The following GAS7 variants were observed in gnomAD, a reference collection of about 807,000 sequenced individuals.
GAS7 encodes the protein growth arrest specific 7.
Under a neutral mutation model 71.1 loss-of-function variants are expected in GAS7, and 28 were observed. The ratio of observed to expected loss-of-function variants is 0.39; its 90% CI spans 0.29 to 0.54. The LOEUF (loss-of-function observed/expected upper bound fraction) is 0.54, where lower values mean the gene tolerates loss of function less well. Ranked by LOEUF, GAS7 falls within the 20% of genes least tolerant of loss-of-function variation. The pLI is 0.62. For missense variants in GAS7, 436 were observed against 627.8 expected, an observed-to-expected ratio of 0.69 and a Z score of 3.27; for synonymous variants, 258 against 245.8, an observed-to-expected ratio of 1.05 and a Z score of -0.46.
chr17:10,124,712 G>C (rs2073931251), intron 1 of GAS7, among the ~76,000 whole-genome samples: 1 of 152,166 alleles, frequency 6.6e-6, no homozygotes, highest in Non-Finnish European at 1.5e-5. Flanking sequence ...TAAGGTCGGA[G>C]TTGGAGACCA....
intron 2 of GAS7, among the ~76,000 whole-genome samples, chr17:10,013,293 G>A (rs2071852082): frequency 6.6e-6 from 1 of 152,118 alleles, no homozygotes; most frequent in South Asian, 2.1e-4. Flanking sequence ...TTGTTTATAA[G>A]TCATCCAGTC....
chr17:10,165,267 G>A (rs1216093920), intron 1 of GAS7, among the ~76,000 whole-genome samples: 1 of 143,428 alleles, frequency 7.0e-6, no homozygotes, highest in African/African-American at 2.6e-5. Context: ...ACTCCAGCCT[G>A]TGCGACAGAG....
intron 2 of GAS7, among the ~76,000 whole-genome samples, chr17:10,010,286 A>T (rs2071716964): frequency 6.6e-6 from 1 of 151,708 alleles, no homozygotes; most frequent in Non-Finnish European, 1.5e-5. Context: ...AGTAGCTGGG[A>T]CTTACAGGCA....
At chr17:10,049,706 C>T (rs1297312042) in intron 1 of GAS7, among the ~76,000 whole-genome samples, 18 of 147,682 alleles carry the variant, frequency 1.2e-4, no homozygotes, top group Non-Finnish European at 7.4e-5. Context: ...CTGCAAGCTC[C>T]GCCTCCTGGG....
At chr17:9,966,305 C>T (rs1012844596) in intron 4 of GAS7, among the ~76,000 whole-genome samples, 2 of 151,984 alleles carry the variant, frequency 1.3e-5, no homozygotes, top group East Asian at 1.9e-4. Context: ...CCCCCTCCCC[C>T]CAAAATTCTA....
chr17:10,152,963 C>G (rs1025049734), intron 1 of GAS7, among the ~76,000 whole-genome samples: 1 of 144,002 alleles, frequency 6.9e-6, no homozygotes, highest in African/African-American at 2.6e-5. Flanking sequence ...CTTTGGGAGG[C>G]GGGTGGATTA....
chr17:10,017,394 T>C (rs1251684584), intron 2 of GAS7, among the ~76,000 whole-genome samples: 4 of 151,762 alleles, frequency 2.6e-5, no homozygotes, highest in Non-Finnish European at 5.9e-5. Context: ...AATGGCGTGA[T>C]CTCGGCTCAC....
intron 1 of GAS7, among the ~76,000 whole-genome samples, chr17:10,158,682 G>C (rs1256319097): frequency 1.3e-5 from 2 of 151,938 alleles, no homozygotes; most frequent in African/African-American, 4.8e-5. Flanking sequence ...GGAATCTGAT[G>C]ATGGGTATAT....
intron 2 of GAS7, among the ~76,000 whole-genome samples, chr17:9,997,175 G>A (rs937087293): frequency 1.4e-5 from 2 of 139,404 alleles, no homozygotes; most frequent in African/African-American, 5.4e-5. Context: ...AAATATTGAG[G>A]TAGGTCCCTT....
chr17:9,924,873 A>AG (rs2067939567), intron 11 of GAS7: 1 of 152,344 alleles, frequency 6.6e-6, no homozygotes, highest in Admixed American at 6.5e-5. Flanking sequence ...TGGTTCTACC[A>AG]GGCCTTCTCT....
At chr17:10,072,756 C>T (rs1406488442) in intron 1 of GAS7, among the ~76,000 whole-genome samples, 1 of 152,078 alleles carries the variant, frequency 6.6e-6, no homozygotes, top group Admixed American at 6.5e-5. Context: ...GTTTCCGAGA[C>T]GTGATGGGGA....
intron 1 of GAS7, among the ~76,000 whole-genome samples, chr17:10,022,971 T>C (rs1011904093): frequency 6.6e-6 from 1 of 152,208 alleles, no homozygotes; most frequent in East Asian, 1.9e-4. Context: ...ACCCAACCTG[T>C]GAACCTCAGT....
At chr17:10,120,143 G>A (rs1188822616) in intron 1 of GAS7, among the ~76,000 whole-genome samples, 4 of 52,680 alleles carry the variant, frequency 7.6e-5, no homozygotes, top group South Asian at 6.1e-4. Context: ...CTCTGGACCC[G>A]CCCATCTCTT....
intron 1 of GAS7, among the ~76,000 whole-genome samples, chr17:10,125,440 A>G (rs534856763): frequency 1.0e-4 from 15 of 150,442 alleles, no homozygotes; most frequent in African/African-American, 3.4e-4. Flanking sequence ...TCGCTTGAAC[A>G]TGGGAGGCAG....
chr17:10,014,694 C>T (rs773667020), intron 2 of GAS7, among the ~76,000 whole-genome samples: 7 of 152,106 alleles, frequency 4.6e-5, no homozygotes, highest in South Asian at 2.1e-4. Context: ...GATTTCCACA[C>T]GAATACCTGT....
In GAS7 at chr17:10,099,345, C is replaced by T. The variant is rs1031911438; in HGVS notation, c.184-79448G>A. On this transcript the variant is annotated intron_variant, in intron 1 of 13. Coordinates refer to ENST00000432992, the MANE Select transcript of GAS7 (RefSeq NM_201433.2). ...GGCCCTGTGAGGCTTCTACCACAGA[C>T]GCCGAAAGAGGCAGATCTGCCTGCA... 5.3e-5 allele frequency among the ~76,000 whole-genome samples: 8 copies of T among 152,252 alleles called. No individual in the cohort carries two copies. The South Asian group carries it at 6.2e-4, about 12-fold the overall frequency.
At chr17:9,931,694 T>C (rs2068213561) in intron 9 of GAS7, among the ~76,000 whole-genome samples, 1 of 152,258 alleles carries the variant, frequency 6.6e-6, no homozygotes, top group African/African-American at 2.4e-5. Context: ...AGCAATTTTC[T>C]ACTGAAGCGC....
intron 1 of GAS7, among the ~76,000 whole-genome samples, chr17:10,171,909 C>G (rs2074337613): frequency 6.6e-6 from 1 of 152,204 alleles, no homozygotes; most frequent in South Asian, 2.1e-4. Flanking sequence ...GGAAATGCCA[C>G]TTAAGTTCAG....
At chr17:10,068,124 C>A (rs2073301857) in intron 1 of GAS7, among the ~76,000 whole-genome samples, 1 of 152,194 alleles carries the variant, frequency 6.6e-6, no homozygotes, top group East Asian at 1.9e-4. Flanking sequence ...CCTCCCAAAC[C>A]TTTTAAGCTG....
Sources: allele counts gnomAD v4.1 joint callset (sites outside exome capture counted in the v4.1 genomes callset), GRCh38; gene constraint gnomAD v4.1.1; transcripts MANE v1.5; gene names NCBI Gene and HGNC (gene_info 2026-07-23, HGNC 2026-07-21).